The following ABLIM1 variants were observed in gnomAD, a reference collection of about 807,000 sequenced individuals.
ABLIM1 encodes the protein actin binding LIM protein 1, also known as actin-binding LIM protein 1.
In ABLIM1, 40 loss-of-function variants were observed where a neutral mutation model predicts 107.0. The ratio of observed to expected loss-of-function variants is 0.37; its 90% CI spans 0.29 to 0.49. The LOEUF is 0.49. Among genes scored for constraint, ABLIM1 ranks in the 20% least tolerant of loss-of-function variants. The pLI, the probability that ABLIM1 is intolerant of heterozygous loss-of-function variation, is 0.97. For synonymous variants in ABLIM1, 357 were observed against 357.3 expected (o/e 1.00, Z 0.01); for missense variants, 857 against 1,008.5 (o/e 0.85, Z 2.04).
In ABLIM1 at chr10:114,479,470, C is replaced by G. The variant is rs554699959; in HGVS notation, c.1042-5514G>C. On this transcript the variant is annotated intron_variant, in intron 8 of 22. Coordinates refer to ENST00000533213, the MANE Select transcript of ABLIM1 (RefSeq NM_002313.7). Reference sequence around the variant, plus strand: ...GCCAGGAGCTGACAGATAGCCTTCCCCTCCTTGAGAACTCTGTGAAGTGAT... The same window carrying G: ...GCCAGGAGCTGACAGATAGCCTTCCGCTCCTTGAGAACTCTGTGAAGTGAT... 2.0e-5 allele frequency among the ~76,000 whole-genome samples: 3 copies of G among 152,288 alleles called. No homozygotes were observed. In the South Asian group the frequency reaches 6.2e-4, roughly 32 times the overall value.
intron 6 of ABLIM1, among the ~76,000 whole-genome samples, chr10:114,528,545 A>G (rs2065112987): frequency 6.6e-6 from 1 of 152,162 alleles, no homozygotes; most frequent in South Asian, 2.1e-4. Flanking sequence ...GAGGAGTCAG[A>G]AACCTCCATC....
intron 1 of ABLIM1, among the ~76,000 whole-genome samples, chr10:114,692,601 A>T (rs993790271): frequency 3.3e-5 from 5 of 152,320 alleles, no homozygotes; most frequent in African/African-American, 9.6e-5. Context: ...ATAATAGAGT[A>T]AAAAAACGGG....
intron 1 of ABLIM1, among the ~76,000 whole-genome samples, chr10:114,674,637 T>A (rs914092486): frequency 6.6e-6 from 1 of 151,828 alleles, no homozygotes; most frequent in Non-Finnish European, 1.5e-5. Context: ...ATACAATATG[T>A]AAAGACATAG....
chr10:114,756,041 T>C (rs915750241), intron 1 of ABLIM1, among the ~76,000 whole-genome samples: 3 of 151,892 alleles, frequency 2.0e-5, no homozygotes, highest in African/African-American at 4.8e-5. Flanking sequence ...ATTTATTAAA[T>C]ACTTAATTAT....
chr10:114,648,248 T>A (rs2079088716), intron 1 of ABLIM1, among the ~76,000 whole-genome samples: 1 of 152,168 alleles, frequency 6.6e-6, no homozygotes, highest in Admixed American at 6.5e-5. Context: ...GCAGCATTAT[T>A]CATAATAGCC....
intron 1 of ABLIM1, among the ~76,000 whole-genome samples, chr10:114,734,106 C>T (rs1274639424): frequency 6.6e-6 from 1 of 152,100 alleles, no homozygotes; most frequent in African/African-American, 2.4e-5. Flanking sequence ...GTGATCCGCC[C>T]ACCTCAGCCT....
chr10:114,632,749 T>C lies in ABLIM1; in HGVS notation c.244+25208A>G. 7.1e-6 allele frequency: 7 copies of C among 985,376 alleles called. No individual in the cohort carries two copies. The South Asian group carries it at 3.3e-4, about 46-fold the overall frequency. 61.0% of individuals were successfully genotyped at this position (985,376 alleles called of 1,614,324 possible). ...GATTTTGACTTCCCCCTTCTCCCTC[T>C]GTTTCATCGGAGTTTTTAGACAAGC... is the stretch of plus-strand genomic sequence containing the variant. On this transcript the variant is annotated intron_variant, in intron 1 of 22. Coordinates refer to ENST00000533213, the MANE Select transcript of ABLIM1 (RefSeq NM_002313.7).
chr10:114,497,690 A>G (rs1417500420), intron 6 of ABLIM1, among the ~76,000 whole-genome samples: 2 of 137,244 alleles, frequency 1.5e-5, no homozygotes, highest in African/African-American at 6.2e-5. Flanking sequence ...TCAAAAAAAA[A>G]AAAAAAAAAA....
intron 1 of ABLIM1, among the ~76,000 whole-genome samples, chr10:114,744,350 C>T (rs1243298551): frequency 6.6e-6 from 1 of 152,160 alleles, no homozygotes; most frequent in African/African-American, 2.4e-5. Flanking sequence ...GGGAGAAGAA[C>T]CCAGGCACTG....
In ABLIM1 at chr10:114,614,696, C is replaced by T. The variant is rs531995058; in HGVS notation, c.245-12735G>A. Among the ~76,000 whole-genome samples, 5 of 152,258 alleles carry T rather than the reference C, an allele frequency of 3.3e-5. No homozygotes were observed. In the South Asian group the frequency reaches 6.2e-4, roughly 19 times the overall value. On this transcript the variant is annotated intron_variant, in intron 1 of 22. Coordinates refer to ENST00000533213, the MANE Select transcript of ABLIM1 (RefSeq NM_002313.7). ...GAAAATTAGAAACATTAGGATATCCCTATGAGTAATTGATCCCTCACTAAA... is the reference window on the plus strand; with the variant it reads ...GAAAATTAGAAACATTAGGATATCCTTATGAGTAATTGATCCCTCACTAAA...
chr10:114,496,295 T>C (rs2059656729), intron 6 of ABLIM1, among the ~76,000 whole-genome samples: 2 of 152,180 alleles, frequency 1.3e-5, no homozygotes, highest in Admixed American at 1.3e-4. Context: ...CTGCTACATA[T>C]ACACCATGGA....
rs879325064 is a variant in ABLIM1 at position 114,642,063 on chromosome 10, A to AT, written c.244+15893dup. ...ATACCTGGCTGATTTTTAATTTTTA[A>AT]TTTTTTTTTTTTGTAGTGACAGGGT... On this transcript the variant is annotated intron_variant, in intron 1 of 22. Transcript: ENST00000533213. Among the ~76,000 whole-genome samples, 894 of 146,434 alleles carry AT rather than the reference A, an allele frequency of 6.1e-3. 25 individuals carry two copies. In the East Asian group the frequency reaches 0.067, roughly 11 times the overall value.
Position 114,705,285 on chromosome 10 carries a change from T to C in ABLIM1, c.-213+62776A>G, listed in dbSNP as rs2081397279. On this transcript the variant is annotated intron_variant, in intron 1 of 15. Coordinates refer to the ABLIM1 transcript ENST00000651092. ...CAGTGTGAGGCATATTTTAAAGCAG[T>C]TACTAAAATAAAGTTTATTGATAAA... 2.6e-5 allele frequency among the ~76,000 whole-genome samples: 4 copies of C among 152,182 alleles called. No homozygotes were observed. In the South Asian group the frequency reaches 6.2e-4, roughly 24 times the overall value.
chr10:114,443,208 T>C (rs746927094), intron 17 of ABLIM1, among the ~76,000 whole-genome samples: 3 of 152,196 alleles, frequency 2.0e-5, no homozygotes, highest in Non-Finnish European at 4.4e-5. Context: ...GACAAATAGA[T>C]ACAGGGGAAA....
chr10:114,767,261 C>A (rs2082918122), intron 1 of ABLIM1, among the ~76,000 whole-genome samples: 1 of 152,210 alleles, frequency 6.6e-6, no homozygotes, highest in Non-Finnish European at 1.5e-5. Flanking sequence ...AGGGGTGGCA[C>A]TTACTGCTTT....
At position 114,457,131 on chromosome 10, in the gene ABLIM1, T is replaced by C. The variant is rs372792067; in HGVS notation, c.1442-3648A>G. Among the ~76,000 whole-genome samples the C allele has an allele frequency of 9.2e-5, 14 of 152,266 alleles. 1 individual carries two copies. The East Asian group carries it at 1.5e-3, about 17-fold the overall frequency. ...GGGAATAAGTTCTTGGAATACATAA[T>C]GTTGCTAGGTACCAAATTCTTAGCC... On this transcript the variant is annotated intron_variant, in intron 12 of 22. Coordinates refer to ENST00000533213, the MANE Select transcript of ABLIM1 (RefSeq NM_002313.7).
At chr10:114,599,719 G>A (rs1009574719) in intron 2 of ABLIM1, among the ~76,000 whole-genome samples, 4 of 151,830 alleles carry the variant, frequency 2.6e-5, no homozygotes, top group Admixed American at 6.6e-5. Context: ...CCTAGGAGGC[G>A]GAGGTTGCAG....
At chr10:114,648,231 G>A (rs1243754997) in intron 1 of ABLIM1, among the ~76,000 whole-genome samples, 4 of 152,150 alleles carry the variant, frequency 2.6e-5, no homozygotes, top group Middle Eastern at 3.2e-3. Context: ...TGTAACAAGT[G>A]TTCATAGCAG....
intron 3 of ABLIM1, among the ~76,000 whole-genome samples, chr10:114,572,256 C>T (rs901813555): frequency 1.7e-4 from 26 of 152,178 alleles, no homozygotes; most frequent in Admixed American, 1.5e-3. Context: ...AATTAGGAAA[C>T]GTGAAACTCA....
Sources: allele counts gnomAD v4.1 joint callset (sites outside exome capture counted in the v4.1 genomes callset), GRCh38; gene constraint gnomAD v4.1.1; transcripts MANE v1.5; gene names NCBI Gene and HGNC (gene_info 2026-07-23, HGNC 2026-07-21).